Variants in PUM1 observed in about 807,000 individuals in gnomAD.
PUM1 encodes the protein pumilio RNA binding family member 1, also known as pumilio homolog 1.
PUM1 carries 13 observed loss-of-function variants against 131.8 expected under a neutral mutation model. The ratio of observed to expected loss-of-function variants is 0.10; its 90% CI spans 0.06 to 0.16. The LOEUF (loss-of-function observed/expected upper bound fraction) is 0.16, where lower values mean the gene tolerates loss of function less well. Among genes scored for constraint, PUM1 ranks in the 10% least tolerant of loss-of-function variants. The pLI is 1.00. For synonymous variants in PUM1, 509 were observed against 556.5 expected (o/e 0.91, Z 1.20); for missense variants, 961 against 1,512.4 (o/e 0.64, Z 6.05).
intron 17 of PUM1, among the ~76,000 whole-genome samples, chr1:30,946,404 C>T (rs1307385604): frequency 6.6e-6 from 1 of 150,978 alleles, no homozygotes; most frequent in Non-Finnish European, 1.5e-5. Flanking sequence ...TTTGGGAGGC[C>T]TAGGTGGGCA....
Position 30,950,277 on chromosome 1 carries a change from G to A in PUM1, c.2722-16C>T, listed in dbSNP as rs767581675. The A allele has an allele frequency of 6.2e-7, 1 of 1,607,294 alleles. No individual in the cohort carries two copies. The highest frequency in any genetic ancestry group is 1.1e-5 in the South Asian group (1 of 89,426). ...GACTGCCAAACTAGACATAATGTGTGGGTAAACACCATTACTTAAGTAGAA... is the reference window on the plus strand; with the variant it reads ...GACTGCCAAACTAGACATAATGTGTAGGTAAACACCATTACTTAAGTAGAA... On this transcript the variant is annotated splice_polypyrimidine_tract_variant and intron_variant, in intron 16 of 21. Coordinates refer to ENST00000426105, the MANE Select transcript of PUM1 (RefSeq NM_001020658.2).
At chr1:31,007,868 C>G (rs1329498258) in intron 3 of PUM1, among the ~76,000 whole-genome samples, 1 of 152,186 alleles carries the variant, frequency 6.6e-6, no homozygotes, top group Non-Finnish European at 1.5e-5. Flanking sequence ...AAGCAAGACA[C>G]AGTACAGTTT....
At chr1:30,978,928 G>A (rs1283111682) in intron 9 of PUM1, among the ~76,000 whole-genome samples, 3 of 152,058 alleles carry the variant, frequency 2.0e-5, no homozygotes, top group African/African-American at 7.2e-5. Context: ...ACGCTGGCGA[G>A]ACCACCCCAT....
chr1:31,005,790 AAAGAGAGAGAG>A, intron 5 of PUM1, 52 bp downstream of exon 5: 3 of 1,336,596 alleles, frequency 2.2e-6, no homozygotes, highest in East Asian at 2.6e-5. Flanking sequence ...TAGGGGAAAA[AAAGAGAGAGAG>A]AGAGAGAGAG....
At chr1:30,941,043 C>T (rs1167675561) in intron 20 of PUM1, 108 bp downstream of exon 20, 1 of 1,324,790 alleles carries the variant, frequency 7.5e-7, no homozygotes, top group Non-Finnish European at 1.0e-6. Flanking sequence ...GCTATATATA[C>T]TTTGAAAACA....
chr1:31,038,984 A>ATTTTTTTTTTTTTTTTTTTTT (rs35507851), intron 2 of PUM1, among the ~76,000 whole-genome samples: 1 of 49,418 alleles, frequency 2.0e-5, no homozygotes, highest in East Asian at 6.7e-4. Context: ...ATATATATAT[A>ATTTTTTTTTTTTTTTTTTTTT]TTTTTTTTTT....
chr1:30,957,320 ATAG>A (rs1293291400), intron 14 of PUM1, among the ~76,000 whole-genome samples: 1 of 152,234 alleles, frequency 6.6e-6, no homozygotes, highest in African/African-American at 2.4e-5. Context: ...TGCGTGACAA[ATAG>A]TAAATAAATA....
chr1:30,933,719 G>A (rs1361803215), intron 21 of PUM1, among the ~76,000 whole-genome samples: 1 of 152,200 alleles, frequency 6.6e-6, no homozygotes, highest in Non-Finnish European at 1.5e-5. Flanking sequence ...CTGCAAGCAT[G>A]AGCACAGGCC....
intron 5 of PUM1, among the ~76,000 whole-genome samples, chr1:31,004,536 C>T (rs1444614506): frequency 6.6e-6 from 1 of 152,102 alleles, no homozygotes; most frequent in Non-Finnish European, 1.5e-5. Context: ...TCTTGTTCTT[C>T]CCAAGCAGCC....
Position 31,033,376 on chromosome 1 carries a change from C to CTTTTT in PUM1, c.364-4517_364-4513dup, listed in dbSNP as rs748444500. Among the ~76,000 whole-genome samples, 78 of 102,550 alleles carry CTTTTT rather than the reference C, an allele frequency of 7.6e-4. 5 individuals carry two copies. Among genetic ancestry groups the CTTTTT allele is most frequent in the Middle Eastern group, 5.4e-3 (1 of 186 alleles). The allele number at this position is 102,550 out of a possible 152,430, so 67.3% of individuals were successfully genotyped here. On this transcript the variant is annotated intron_variant, in intron 2 of 21. Transcript: ENST00000426105. ...TGTGCCACCACATCCAGCTAATTTT[C>CTTTTT]TTTTTTTTTTTTTTTTTTTTTTTTT...
In PUM1 at chr1:30,993,045, G is replaced by A. The variant is rs574425254; in HGVS notation, c.888-385C>T. ...CTACTCTTTAAATACAGAGACAATGGAAAAAGTTGGTTTCTGGGGGAAATT... is the reference window on the plus strand; with the variant it reads ...CTACTCTTTAAATACAGAGACAATGAAAAAAGTTGGTTTCTGGGGGAAATT... On this transcript the variant is annotated intron_variant, in intron 6 of 21. Coordinates refer to ENST00000426105, the MANE Select transcript of PUM1 (RefSeq NM_001020658.2). Among the ~76,000 whole-genome samples the A allele has an allele frequency of 2.0e-5, 3 of 152,242 alleles. No homozygotes were observed. The East Asian group carries it at 5.8e-4, about 29-fold the overall frequency.
intron 19 of PUM1, 69 bp downstream of exon 19, chr1:30,941,929 A>G: frequency 7.1e-7 from 1 of 1,401,632 alleles, no homozygotes; most frequent in East Asian, 3.2e-5. Flanking sequence ...TACACTGACA[A>G]AACACACAAA....
chr1:30,983,056 G>GAC (rs1372899536), intron 7 of PUM1, among the ~76,000 whole-genome samples: 1 of 152,180 alleles, frequency 6.6e-6, no homozygotes, highest in Non-Finnish European at 1.5e-5. Context: ...TCTACTGACA[G>GAC]ACATTATCAA....
At chr1:31,035,743 C>G (rs981320987) in intron 2 of PUM1, among the ~76,000 whole-genome samples, 6 of 151,324 alleles carry the variant, frequency 4.0e-5, no homozygotes, top group Admixed American at 2.0e-4. Flanking sequence ...GAGAGTGAAA[C>G]TCCATCTCAA....
At chr1:31,034,070 T>C (rs550086855) in intron 2 of PUM1, among the ~76,000 whole-genome samples, 21 of 152,350 alleles carry the variant, frequency 1.4e-4, no homozygotes, top group African/African-American at 4.3e-4. Context: ...TTATTGAACA[T>C]TGAATCTTAA....
At chr1:30,977,057 T>G (rs913795403) in intron 9 of PUM1, among the ~76,000 whole-genome samples, 1 of 152,198 alleles carries the variant, frequency 6.6e-6, no homozygotes, top group African/African-American at 2.4e-5. Flanking sequence ...GTAGACTATG[T>G]GTGTGTCCAA....
chr1:31,027,923 A>T (rs1421299327), intron 3 of PUM1, among the ~76,000 whole-genome samples: 1 of 152,240 alleles, frequency 6.6e-6, no homozygotes, highest in Non-Finnish European at 1.5e-5. Context: ...GAGCTATCAA[A>T]TATTAGATAC....
At chr1:30,999,468 G>A (rs759582105) in intron 5 of PUM1, among the ~76,000 whole-genome samples, 3 of 151,798 alleles carry the variant, frequency 2.0e-5, no homozygotes, top group Non-Finnish European at 4.4e-5. Context: ...TTAGCCAGAC[G>A]TGGTGGTGCA....
chr1:31,015,924 C>T (rs929832859), intron 3 of PUM1, among the ~76,000 whole-genome samples: 2 of 152,122 alleles, frequency 1.3e-5, no homozygotes, highest in Non-Finnish European at 2.9e-5. Flanking sequence ...CCACCCGCCT[C>T]GGCCTCCCAA....
Sources: gnomAD v4.1 joint callset for allele counts (sites outside exome capture counted in the v4.1 genomes callset) on GRCh38, gnomAD v4.1.1 for gene constraint, MANE v1.5 for transcripts, NCBI Gene and HGNC (gene_info 2026-07-23, HGNC 2026-07-21) for gene names.